The following SLC22A25 variants were observed in gnomAD, a reference collection of about 807,000 sequenced individuals.
SLC22A25 encodes the protein MGI:2442751, MGI:2385316, MGI:3042283, MGI:3645714, MGI:3605624, MGI:2442750.
In SLC22A25, 44 loss-of-function variants were observed where a neutral mutation model predicts 45.9. The ratio of observed to expected loss-of-function variants is 0.96; its 90% confidence interval spans 0.75 to 1.23. The LOEUF (loss-of-function observed/expected upper bound fraction) is 1.23. Ranked by LOEUF, SLC22A25 falls within the 50% of genes most tolerant of loss-of-function variation. The pLI, the probability that SLC22A25 is intolerant of heterozygous loss-of-function variation, is 0.00. For missense variants in SLC22A25, 800 were observed against 666.4 expected, an observed-to-expected ratio of 1.20 and a Z score of -2.21; for synonymous variants, 283 against 238.6, an observed-to-expected ratio of 1.19 and a Z score of -1.72.
rs1235353668 is a variant in SLC22A25, at chr11:63,160,056, GC to G, written c.*3767del. Among the ~76,000 whole-genome samples, 1 of 152,078 alleles carries G rather than the reference GC, an allele frequency of 6.6e-6. No homozygotes were observed. The highest frequency in any genetic ancestry group is 1.5e-5 in the Non-Finnish European group (1 of 68,012). Reference sequence around the variant, plus strand: ...CAGTCAGTTTTAAAAGGGAAACTCAGCAAAAAAGTTTGAAAAATTTGCAGCC... The same window carrying G: ...CAGTCAGTTTTAAAAGGGAAACTCAGAAAAAAGTTTGAAAAATTTGCAGCC... On this transcript the variant is annotated 3_prime_UTR_variant, in exon 12 of 12. Coordinates refer to ENST00000306494, the MANE Select transcript of SLC22A25 (RefSeq NM_199352.6).
intron 5 of SLC22A25, among the ~76,000 whole-genome samples, chr11:63,226,005 T>A (rs960600382): frequency 6.6e-6 from 1 of 152,164 alleles, no homozygotes; most frequent in African/African-American, 2.4e-5. Context: ...TATTTCAATG[T>A]GTTTGGTAAA....
intron 7 of SLC22A25, among the ~76,000 whole-genome samples, chr11:63,201,221 C>T (rs889835362): frequency 1.3e-5 from 2 of 152,118 alleles, no homozygotes; most frequent in African/African-American, 4.8e-5. Context: ...AGAAATGAAG[C>T]TGGAGGCATC....
intron 5 of SLC22A25, among the ~76,000 whole-genome samples, chr11:63,218,609 T>C (rs1191637643): frequency 6.6e-6 from 1 of 152,168 alleles, no homozygotes; most frequent in African/African-American, 2.4e-5. Context: ...GTCTGTATAG[T>C]GGCTGGGAGG....
At chr11:63,224,224 A>G (rs1053172123) in intron 5 of SLC22A25, among the ~76,000 whole-genome samples, 5 of 151,718 alleles carry the variant, frequency 3.3e-5, no homozygotes, top group African/African-American at 1.2e-4. Context: ...TTGTCTTGTA[A>G]TCTATTTTGT....
Position 63,163,859 on chromosome 11 carries a change from T to A in SLC22A25, c.1609A>T (p.Ser537Cys), listed in dbSNP as rs1357991218. 1 of 1,613,858 alleles carries A rather than the reference T, an allele frequency of 6.2e-7. No homozygotes were observed. Among genetic ancestry groups the A allele is most frequent in the Non-Finnish European group, 8.5e-7 (1 of 1,179,862 alleles). The change falls in exon 12 of 12, where the codon AGC becomes TGC. Residue 537 changes from serine to cysteine, a missense_variant. Physicochemically the swap from Ser to Cys is moderately radical, Grantham distance 112 (BLOSUM62 -1). Transcript: ENST00000306494. Reference protein sequence around the residue: ...IQDVENEGVNSLAAPQRSSVL With the variant: ...IQDVENEGVNCLAAPQRSSVL ...GAGCTCCTCTGAGGGGCAGCTAGGC[T>A]ATTTACTCCCTCATTTTCCACATCC...
chr11:63,240,727 A>G (rs1422325819), intron 1 of SLC22A25, among the ~76,000 whole-genome samples: 3 of 152,210 alleles, frequency 2.0e-5, no homozygotes, highest in Non-Finnish European at 4.4e-5. Context: ...ACACAAGGTC[A>G]TAATCATTAA....
chr11:63,162,045 GACTGTTTGACATCT>G lies in SLC22A25; in HGVS notation c.*1765_*1778del, dbSNP rs2087540617. Among the ~76,000 whole-genome samples the G allele has an allele frequency of 6.6e-6, 1 of 152,134 alleles. No homozygotes were observed. Among genetic ancestry groups the G allele is most frequent in the Non-Finnish European group, 1.5e-5 (1 of 67,998 alleles). On this transcript the variant is annotated 3_prime_UTR_variant, in exon 12 of 12. Transcript: ENST00000306494. ...AATGATGTTCAGCACTTTTTCCTAT[GACTGTTTGACATCT>G]GTATGTCTTCTTTTGAGAAATACCT...
chr11:63,235,034 G>C (rs1016301706), intron 3 of SLC22A25, among the ~76,000 whole-genome samples: 1 of 152,096 alleles, frequency 6.6e-6, no homozygotes, highest in Admixed American at 6.5e-5. Flanking sequence ...CTTCCCTGTG[G>C]GTAACCTGAC....
chr11:63,182,402 G>GTCA (rs1268344644), intron 8 of SLC22A25, among the ~76,000 whole-genome samples: 1 of 151,712 alleles, frequency 6.6e-6, no homozygotes, highest in Non-Finnish European at 1.5e-5. Context: ...AACCTTGTAG[G>GTCA]TCACATGCTA....
chr11:63,214,773 C>T (rs1415952262), intron 7 of SLC22A25, among the ~76,000 whole-genome samples: 1 of 150,078 alleles, frequency 6.7e-6, no homozygotes, highest in Non-Finnish European at 1.5e-5. Flanking sequence ...TAACTTAACT[C>T]TTTGTTCAGG....
chr11:63,173,721 C>T (rs1485426311), intron 9 of SLC22A25, among the ~76,000 whole-genome samples: 1 of 152,054 alleles, frequency 6.6e-6, no homozygotes, highest in African/African-American at 2.4e-5. Context: ...TGCTCACTGC[C>T]ATGTACATTT....
At chr11:63,172,184 TA>T (rs2087912073) in intron 9 of SLC22A25, among the ~76,000 whole-genome samples, 1 of 152,092 alleles carries the variant, frequency 6.6e-6, no homozygotes, top group South Asian at 2.1e-4. Context: ...CCTAAAACCA[TA>T]AAACCCCTAG....
At chr11:63,214,740 C>A (rs184231921) in intron 7 of SLC22A25, among the ~76,000 whole-genome samples, 14 of 152,014 alleles carry the variant, frequency 9.2e-5, no homozygotes, top group Non-Finnish European at 1.5e-4. Context: ...GATCTCCCCC[C>A]ACCCCACGAA....
chr11:63,206,129 C>T (rs1046006369), intron 7 of SLC22A25, among the ~76,000 whole-genome samples: 7 of 152,272 alleles, frequency 4.6e-5, no homozygotes, highest in Non-Finnish European at 5.9e-5. Context: ...ATTGATGGAA[C>T]GTATCTCAAA....
At chr11:63,218,054 T>C (rs761299829) in intron 5 of SLC22A25, 1 of 528,192 alleles carries the variant, frequency 1.9e-6, no homozygotes, top group South Asian at 1.5e-5. Context: ...AGACAAATTG[T>C]TCTACCAAAA....
intron 5 of SLC22A25, among the ~76,000 whole-genome samples, chr11:63,222,596 G>A (rs2089876953): frequency 6.6e-6 from 1 of 151,898 alleles, no homozygotes; most frequent in Non-Finnish European, 1.5e-5. Context: ...TTCTTTTCCA[G>A]TTGGGTGCTA....
chr11:63,212,509 C>A (rs2134803956), intron 7 of SLC22A25, among the ~76,000 whole-genome samples: 1 of 152,150 alleles, frequency 6.6e-6, no homozygotes, highest in Middle Eastern at 3.4e-3. Context: ...GAGTTCATGT[C>A]CTTTGTAGGG....
intron 9 of SLC22A25, among the ~76,000 whole-genome samples, chr11:63,173,594 C>T (rs1413624413): frequency 6.6e-6 from 1 of 152,132 alleles, no homozygotes; most frequent in African/African-American, 2.4e-5. Flanking sequence ...AACTTGGAGC[C>T]ATCTCTCCTG....
At chr11:63,212,561 A>C (rs2089599776) in intron 7 of SLC22A25, among the ~76,000 whole-genome samples, 1 of 151,766 alleles carries the variant, frequency 6.6e-6, no homozygotes, top group Non-Finnish European at 1.5e-5. Flanking sequence ...GCAAACTATC[A>C]CAAGGACAAA....
Sources: gnomAD v4.1 joint callset for allele counts (sites outside exome capture counted in the v4.1 genomes callset) on GRCh38, gnomAD v4.1.1 for gene constraint, MANE v1.5 for transcripts, NCBI Gene and HGNC (gene_info 2026-07-23, HGNC 2026-07-21) for gene names.